ALAD: variants seen among roughly 807,000 people sequenced by gnomAD.
The protein encoded by ALAD is aminolevulinate dehydratase.
In ALAD, 20 loss-of-function variants were observed where a neutral mutation model predicts 44.4. The ratio of observed to expected loss-of-function variants is 0.45; its 90% confidence interval spans 0.32 to 0.65. The LOEUF is 0.65. Ranked by LOEUF, ALAD falls within the 30% of genes least tolerant of loss-of-function variation. ALAD has a pLI of 0.05. For missense variants in ALAD, 323 were observed against 445.7 expected, an observed-to-expected ratio of 0.72 and a Z score of 2.48; for synonymous variants, 156 against 167.9, an observed-to-expected ratio of 0.93 and a Z score of 0.55.
chr9:113,393,317 C>T, intron 2 of ALAD, 130 bp downstream of exon 2: 2 of 808,262 alleles, frequency 2.5e-6, no homozygotes, highest in Admixed American at 2.0e-5. Flanking sequence ...GCTTCCAGTG[C>T]CTTGAATTTC....
rs779962632 is a variant in ALAD at position 113,393,579 on chromosome 9, AG to A, written c.-21del. 5.4e-5 allele frequency: 87 copies of A among 1,603,860 alleles called. No homozygotes were observed. Among genetic ancestry groups the A allele is most frequent in the Non-Finnish European group, 7.3e-5 (86 of 1,172,020 alleles). ...CTGCATGGCGTGGGCCAGTGGGCACAGGGGCATCAGTTGGTTGGAACCGAGG... is the reference window on the plus strand; with the variant it reads ...CTGCATGGCGTGGGCCAGTGGGCACAGGGCATCAGTTGGTTGGAACCGAGG... On this transcript the variant is annotated 5_prime_UTR_variant, in exon 2 of 12. Transcript: ENST00000409155.
At chr9:113,389,284 C>A (rs1827501531) in intron 10 of ALAD, among the ~76,000 whole-genome samples, 154 bp downstream of exon 10, 1 of 151,944 alleles carries the variant, frequency 6.6e-6, no homozygotes, top group Non-Finnish European at 1.5e-5. Flanking sequence ...CTCGTGCAAG[C>A]CCCGACATAG....
At position 113,386,717 on chromosome 9, in the gene ALAD, G is replaced by C. The variant is rs1425283392; in HGVS notation, c.*1583C>G. 1.3e-5 allele frequency: 2 copies of C among 152,202 alleles called. No individual in the cohort carries two copies. Among genetic ancestry groups the C allele is most frequent in the Non-Finnish European group, 2.9e-5 (2 of 68,050 alleles). The allele number at this position is 152,202 out of a possible 1,614,324, so 9.4% of individuals were successfully genotyped here. A position where few individuals can be genotyped will look rare whatever the true frequency, so the allele number is the denominator to read the frequency against. ...CTGTTTTCTGTGCAGTTCTAATCCAGTTCTGCCACAAACTTGTTGAGTGGC... is the reference window on the plus strand; with the variant it reads ...CTGTTTTCTGTGCAGTTCTAATCCACTTCTGCCACAAACTTGTTGAGTGGC... On this transcript the variant is annotated 3_prime_UTR_variant, in exon 12 of 12. Coordinates refer to ENST00000409155, the MANE Select transcript of ALAD (RefSeq NM_000031.6).
chr9:113,389,908 C>T, intron 7 of ALAD, 80 bp from the exon 8 acceptor site: 1 of 1,558,024 alleles, frequency 6.4e-7, no homozygotes, highest in Non-Finnish European at 8.8e-7. Flanking sequence ...AGAGAAAGAA[C>T]CTAGGCTGGG....
At chr9:113,391,386 G>T in intron 4 of ALAD, 141 bp downstream of exon 4, 2 of 755,420 alleles carry the variant, frequency 2.6e-6, no homozygotes, top group Non-Finnish European at 4.7e-6. Flanking sequence ...TGTATTTTTT[G>T]TAGAGATGGG....
chr9:113,392,577 T>C (rs1008424920), intron 2 of ALAD: 1 of 240,982 alleles, frequency 4.1e-6, no homozygotes, highest in Admixed American at 5.1e-5. Flanking sequence ...CAAATATTTA[T>C]TGAGTACTTA....
chr9:113,400,717 C>G (rs1203048676), intron 1 of ALAD, among the ~76,000 whole-genome samples: 4 of 151,980 alleles, frequency 2.6e-5, no homozygotes, highest in Admixed American at 6.5e-5. Flanking sequence ...AGCTAGTTGG[C>G]AGGCTGAGGC....
chr9:113,391,676 C>T, intron 3 of ALAD, 53 bp from the exon 4 acceptor site: 2 of 1,416,454 alleles, frequency 1.4e-6, no homozygotes, highest in Non-Finnish European at 2.0e-6. Flanking sequence ...AGGCAACGGT[C>T]CTCCGGACCC....
At position 113,394,335 on chromosome 9, in the gene ALAD, C is replaced by T. The variant is rs1588086205; in HGVS notation, c.-75-701G>A. On this transcript the variant is annotated intron_variant, in intron 1 of 11. Transcript: ENST00000409155. ...GCAGGATGGCTTGAGCCCAAGAGTT[C>T]GAGACCAGCCTGGGCAACATGGCGA... 2.6e-5 allele frequency among the ~76,000 whole-genome samples: 4 copies of T among 150,992 alleles called. No homozygotes were observed. The South Asian group carries it at 8.4e-4, about 32-fold the overall frequency.
chr9:113,390,794 T>C lies in ALAD; in HGVS notation c.397+4A>G. 6.2e-7 allele frequency: 1 copy of C among 1,607,226 alleles called. No individual in the cohort carries two copies. The highest frequency in any genetic ancestry group is 1.1e-5 in the South Asian group (1 of 90,154). On this transcript the variant is annotated splice_donor_region_variant and intron_variant, in intron 5 of 11. Coordinates refer to ENST00000409155, the MANE Select transcript of ALAD (RefSeq NM_000031.6). ...GCAGGGCTGGTGGGAGGGAGGGAACTCACCGCAGTGACCATGGGAGGTGTA... is the reference window on the plus strand; with the variant it reads ...GCAGGGCTGGTGGGAGGGAGGGAACCCACCGCAGTGACCATGGGAGGTGTA...
At chr9:113,390,099 C>T (rs1295848168) in intron 7 of ALAD, among the ~76,000 whole-genome samples, 1 of 152,078 alleles carries the variant, frequency 6.6e-6, no homozygotes. Flanking sequence ...GGCATGATCT[C>T]AGCTCACTGC....
At chr9:113,391,446 C>T in intron 4 of ALAD, 81 bp downstream of exon 4, 1 of 1,223,816 alleles carries the variant, frequency 8.2e-7, no homozygotes, top group South Asian at 1.2e-5. Flanking sequence ...TCAAGTGATC[C>T]ACCCACTTTG....
intron 1 of ALAD, among the ~76,000 whole-genome samples, chr9:113,401,005 G>A (rs1249475405): frequency 1.3e-5 from 2 of 152,112 alleles, no homozygotes; most frequent in African/African-American, 4.8e-5. Flanking sequence ...GAGGTGCGGA[G>A]CCCCGAACCC....
chr9:113,390,348 G>A lies in ALAD; in HGVS notation c.570+57C>T. On this transcript the variant is annotated intron_variant, in intron 7 of 11. Transcript: ENST00000409155. ...TTCTGTGATTCTTAGCAGACACGGG[G>A]GCAGGGCTGGTGCAGACTATCTCCT... The A allele has an allele frequency of 3.2e-6, 5 of 1,549,392 alleles. No individual in the cohort carries two copies. In the South Asian group the frequency reaches 4.5e-5, roughly 14 times the overall value.
chr9:113,401,170 C>CCCT (rs1410921864), intron 1 of ALAD, 42 bp downstream of exon 1: 1 of 152,584 alleles, frequency 6.6e-6, no homozygotes, highest in African/African-American at 2.4e-5. Flanking sequence ...CCTGGAGCCG[C>CCCT]CCTCCAGGCC....
At chr9:113,391,013 A>T in intron 4 of ALAD, 80 bp from the exon 5 acceptor site, 1 of 1,571,674 alleles carries the variant, frequency 6.4e-7, no homozygotes, top group South Asian at 1.1e-5. Context: ...CACAGAGCAT[A>T]GCCCTGGCCT....
At chr9:113,400,943 T>C (rs1827837879) in intron 1 of ALAD, among the ~76,000 whole-genome samples, 1 of 152,220 alleles carries the variant, frequency 6.6e-6, no homozygotes, top group African/African-American at 2.4e-5. Flanking sequence ...CCTCGGGTTC[T>C]GCATCGATGG....
rs985011023 is a variant in ALAD at position 113,387,859 on chromosome 9, G to A, written c.*441C>T. The A allele has an allele frequency of 8.0e-6, 2 of 248,780 alleles. No homozygotes were observed. The highest frequency in any genetic ancestry group is 8.1e-6 in the Non-Finnish European group (1 of 123,322). The allele number at this position is 248,780 out of a possible 1,614,324, so 15.4% of individuals were successfully genotyped here. On this transcript the variant is annotated 3_prime_UTR_variant, in exon 12 of 12. Transcript: ENST00000409155. ...ATTTCAACTCTAACCCAGGGATATC[G>A]ATCTAGGCCTCATTCCCACACCCAG... is the stretch of plus-strand genomic sequence containing the variant.
intron 1 of ALAD, among the ~76,000 whole-genome samples, chr9:113,400,960 C>T (rs1564381834): frequency 6.6e-6 from 1 of 152,218 alleles, no homozygotes; most frequent in African/African-American, 2.4e-5. Context: ...ATGGAGTCTG[C>T]CCAGGCGGTA....
Sources: allele counts gnomAD v4.1 joint callset (sites outside exome capture counted in the v4.1 genomes callset), GRCh38; gene constraint gnomAD v4.1.1; transcripts MANE v1.5; gene names NCBI Gene and HGNC (gene_info 2026-07-23, HGNC 2026-07-21).